The following CLASP2 variants were observed in gnomAD, a reference collection of about 807,000 sequenced individuals.
The protein encoded by CLASP2 is CLIP-associating protein 2.
Under a neutral mutation model 194.4 loss-of-function variants are expected in CLASP2, and 47 were observed. That is an observed-to-expected ratio of 0.24 (90% CI 0.19 to 0.31). The LOEUF is 0.31. Among genes scored for constraint, CLASP2 ranks in the 10% least tolerant of loss-of-function variants. The probability of loss-of-function intolerance (pLI) is 1.00; values close to 1 mark genes in which losing one functional copy is unlikely to be tolerated. For synonymous variants in CLASP2, 619 were observed against 633.5 expected (o/e 0.98, Z 0.34); for missense variants, 1,445 against 1,823.6 (o/e 0.79, Z 3.78).
chr3:33,678,381 A>G (rs1031777317), intron 6 of CLASP2, among the ~76,000 whole-genome samples: 19 of 152,066 alleles, frequency 1.2e-4, no homozygotes, highest in African/African-American at 3.1e-4. Flanking sequence ...CCAGAGGGGG[A>G]AAAAAACACT....
At chr3:33,678,854 T>C (rs1411730378) in intron 6 of CLASP2, among the ~76,000 whole-genome samples, 3 of 152,234 alleles carry the variant, frequency 2.0e-5, no homozygotes. Context: ...CAACTTGATC[T>C]ATGGATTCAA....
At position 33,498,433 on chromosome 3, in the gene CLASP2, G is replaced by T; in HGVS notation, c.*198C>A. Reference sequence around the variant, plus strand: ...TTAATACTGCTTCTTCTTGAATTTGGAATAACTATCATAAAAGTTACATGC... The same window carrying T: ...TTAATACTGCTTCTTCTTGAATTTGTAATAACTATCATAAAAGTTACATGC... On this transcript the variant is annotated 3_prime_UTR_variant, in exon 39 of 39. Coordinates refer to ENST00000682230, the MANE Select transcript of CLASP2 (RefSeq NM_001365631.1). The T allele has an allele frequency of 2.3e-6, 1 of 442,900 alleles. No homozygotes were observed. The highest frequency in any genetic ancestry group is 4.0e-6 in the Non-Finnish European group (1 of 248,732). 27.4% of individuals were successfully genotyped at this position (442,900 alleles called of 1,614,324 possible).
At chr3:33,520,682 T>C (rs770839326) in intron 34 of CLASP2, among the ~76,000 whole-genome samples, 22 of 152,106 alleles carry the variant, frequency 1.4e-4, no homozygotes, top group Non-Finnish European at 3.1e-4. Flanking sequence ...GGTAAACATA[T>C]TAAAGATAAC....
At chr3:33,646,167 T>C (rs2082253156) in intron 7 of CLASP2, among the ~76,000 whole-genome samples, 1 of 151,790 alleles carries the variant, frequency 6.6e-6, no homozygotes, top group Non-Finnish European at 1.5e-5. Context: ...AAATAATTCC[T>C]ATAAAGAGAT....
Position 33,627,061 on chromosome 3 carries a change from A to G in CLASP2, c.962T>C (p.Leu321Pro). 6.4e-7 allele frequency: 1 copy of G among 1,563,508 alleles called. No homozygotes were observed. The highest frequency in any genetic ancestry group is 1.2e-5 in the South Asian group (1 of 86,184). Residue 321 changes from leucine (L) to proline (P), a missense_variant, in exon 10 of 39, where the codon CTC (leucine) becomes CCC (proline). Around this residue, in one of 4 missense-constraint regions of CLASP2, gnomAD observed 207 missense variants for 331.4 expected, o/e 0.62. Transcript: ENST00000682230. Reference sequence around the variant, plus strand: ...CCTGATTTTATTTAATGTTTCTTCGAGTTCTCGACTAGAATAAATCTTAAA... The same window carrying G: ...CCTGATTTTATTTAATGTTTCTTCGGGTTCTCGACTAGAATAAATCTTAAA... ...PSIQIYSSRE[L>P]EETLNKIREI... is the part of the protein sequence containing the mutation.
At chr3:33,717,701 C>A in intron 1 of CLASP2, 107 bp downstream of exon 1, 1 of 1,238,870 alleles carries the variant, frequency 8.1e-7, no homozygotes, top group South Asian at 1.4e-5. Context: ...TGTTTCCCCT[C>A]TTAAGCAGTG....
intron 23 of CLASP2, among the ~76,000 whole-genome samples, chr3:33,578,693 TGAG>T (rs1336510538): frequency 3.9e-5 from 6 of 152,192 alleles, no homozygotes; most frequent in Admixed American, 3.9e-4. Context: ...TCTAAAATGA[TGAG>T]GAGGAGTTGA....
At chr3:33,570,086 A>G (rs970317112) in intron 26 of CLASP2, among the ~76,000 whole-genome samples, 5 of 152,214 alleles carry the variant, frequency 3.3e-5, no homozygotes, top group South Asian at 2.1e-4. Flanking sequence ...TGGAAACAGA[A>G]TATGTGACCA....
Position 33,696,785 on chromosome 3 carries a change from A to G in CLASP2, c.274+70T>C, listed in dbSNP as rs995615275. On this transcript the variant is annotated intron_variant, in intron 2 of 38. Transcript: ENST00000682230. ...ATTTACAGAGAACTATTTCTGCTAA[A>G]TAAAAACTAACGAAAAAAGTCATCA... 2.8e-6 allele frequency: 3 copies of G among 1,064,058 alleles called. No homozygotes were observed. The African/African-American group carries it at 4.8e-5, about 17-fold the overall frequency. 65.9% of individuals were successfully genotyped at this position (1,064,058 alleles called of 1,614,324 possible). A position where few individuals can be genotyped will look rare whatever the true frequency, so the allele number is the denominator to read the frequency against.
chr3:33,538,980 G>C (rs369330120), intron 32 of CLASP2, 38 bp from the exon 33 acceptor site: 6 of 1,456,160 alleles, frequency 4.1e-6, no homozygotes, highest in Non-Finnish European at 5.5e-6. Context: ...CTTAGGTGTA[G>C]TTTTAAAATA....
intron 10 of CLASP2, among the ~76,000 whole-genome samples, chr3:33,624,697 G>A (rs771600806): frequency 4.6e-5 from 7 of 151,926 alleles, no homozygotes; most frequent in Non-Finnish European, 8.8e-5. Flanking sequence ...TGTAATAAAC[G>A]TTATGTGAAT....
In CLASP2 at chr3:33,544,690, A is replaced by T. The variant is rs763583265; in HGVS notation, c.3297+8T>A. On this transcript the variant is annotated splice_region_variant and intron_variant, in intron 31 of 38. Transcript: ENST00000682230. ...TATATGATAGCCAAGAAAATAAGTAACAATTACCTGGGTTCCATTGCCAGT... is the reference window on the plus strand; with the variant it reads ...TATATGATAGCCAAGAAAATAAGTATCAATTACCTGGGTTCCATTGCCAGT... 18 of 1,604,888 alleles carry T rather than the reference A, an allele frequency of 1.1e-5. No individual in the cohort carries two copies. In the Middle Eastern group the frequency reaches 5.0e-4, roughly 44 times the overall value.
intron 6 of CLASP2, among the ~76,000 whole-genome samples, chr3:33,669,196 T>C (rs182643112): frequency 2.0e-5 from 3 of 152,304 alleles, no homozygotes; most frequent in Admixed American, 2.0e-4. Context: ...ATAAGTGGTG[T>C]TGGGTCAAGT....
chr3:33,689,207 C>A (rs1157443502), intron 3 of CLASP2, among the ~76,000 whole-genome samples: 3 of 151,560 alleles, frequency 2.0e-5, no homozygotes, highest in South Asian at 4.2e-4. Flanking sequence ...ATGTGAGTAA[C>A]CTGACTCACC....
At chr3:33,515,237 C>T (rs1267133481) in intron 36 of CLASP2, among the ~76,000 whole-genome samples, 3 of 152,108 alleles carry the variant, frequency 2.0e-5, no homozygotes, top group Non-Finnish European at 4.4e-5. Context: ...AAAATAGTCC[C>T]TATTTGAACA....
At chr3:33,556,861 A>C (rs1267329264) in intron 29 of CLASP2, among the ~76,000 whole-genome samples, 5 of 152,186 alleles carry the variant, frequency 3.3e-5, no homozygotes, top group Admixed American at 2.6e-4. Flanking sequence ...AATGTTTTCT[A>C]ATAGGAAAGT....
chr3:33,687,035 T>C lies in CLASP2; in HGVS notation c.546+25A>G, dbSNP rs761455335. On this transcript the variant is annotated intron_variant, in intron 5 of 38. Coordinates refer to ENST00000682230, the MANE Select transcript of CLASP2 (RefSeq NM_001365631.1). ...AAATGGTAGCCAAAAAATCAGTCAATGCTTGAATGTAAATAAAATTTTACC... is the reference window on the plus strand; with the variant it reads ...AAATGGTAGCCAAAAAATCAGTCAACGCTTGAATGTAAATAAAATTTTACC... The C allele has an allele frequency of 1.2e-5, 17 of 1,388,862 alleles. No homozygotes were observed. In the South Asian group the frequency reaches 2.3e-4, roughly 19 times the overall value. The allele number at this position is 1,388,862 out of a possible 1,614,324, so 86.0% of individuals were successfully genotyped here. A position where few individuals can be genotyped will look rare whatever the true frequency, so the allele number is the denominator to read the frequency against.
At chr3:33,641,752 A>T (rs2081339576) in intron 8 of CLASP2, among the ~76,000 whole-genome samples, 1 of 145,578 alleles carries the variant, frequency 6.9e-6, no homozygotes. Flanking sequence ...AGCTCACTGT[A>T]TTTTTTTTTT....
intron 34 of CLASP2, among the ~76,000 whole-genome samples, chr3:33,529,643 G>T (rs1194778919): frequency 1.3e-5 from 2 of 152,140 alleles, no homozygotes; most frequent in African/African-American, 2.4e-5. Context: ...CCTACACAGG[G>T]TCAAGATCAA....
Sources: gnomAD v4.1 joint callset for allele counts (sites outside exome capture counted in the v4.1 genomes callset) on GRCh38, gnomAD v4.1.1 for gene constraint, gnomAD v4.1.1 regional missense constraint, MANE v1.5 for transcripts, NCBI Gene and HGNC (gene_info 2026-07-23, HGNC 2026-07-21) for gene names.